The following SPAG16 variants were observed in gnomAD, a reference collection of about 807,000 sequenced individuals.
SPAG16 encodes the protein sperm-associated antigen 16 protein.
A neutral mutation model predicts 80.4 loss-of-function variants in SPAG16; 86 were observed. The observed-to-expected ratio is 1.07, with a 90% CI of 0.90 to 1.28. SPAG16 has a LOEUF of 1.28. SPAG16 is among the 50% of genes most tolerant of loss of function. SPAG16 has a pLI of 0.00. For synonymous variants in SPAG16, 294 were observed against 265.9 expected (o/e 1.11, Z -1.03); for missense variants, 870 against 765.3 (o/e 1.14, Z -1.61).
intron 10 of SPAG16, among the ~76,000 whole-genome samples, chr2:213,608,723 C>A (rs1368730143): frequency 6.6e-6 from 1 of 152,176 alleles, no homozygotes; most frequent in Non-Finnish European, 1.5e-5. Flanking sequence ...TCGCTCTGTC[C>A]CCCCAGGCTG....
intron 10 of SPAG16, among the ~76,000 whole-genome samples, chr2:213,707,933 C>A (rs2065828266): frequency 6.6e-6 from 1 of 151,956 alleles, no homozygotes; most frequent in Non-Finnish European, 1.5e-5. Flanking sequence ...TTCTAATGAA[C>A]AATGATAGAG....
At chr2:213,730,896 G>A (rs1417865196) in intron 10 of SPAG16, among the ~76,000 whole-genome samples, 1 of 152,168 alleles carries the variant, frequency 6.6e-6, no homozygotes, top group African/African-American at 2.4e-5. Context: ...GGGTTGGGAA[G>A]TTTCTAATGA....
intron 14 of SPAG16, among the ~76,000 whole-genome samples, chr2:214,135,425 T>C (rs1431817833): frequency 1.3e-5 from 2 of 152,182 alleles, no homozygotes; most frequent in Admixed American, 6.6e-5. Context: ...GCTGTTTTGG[T>C]GTGTTTTACC....
chr2:214,180,861 G>A (rs183865164), intron 15 of SPAG16, among the ~76,000 whole-genome samples: 14 of 151,640 alleles, frequency 9.2e-5, no homozygotes, highest in African/African-American at 3.4e-4. Context: ...TAGATGCAAC[G>A]TGACCTTTAA....
intron 10 of SPAG16, among the ~76,000 whole-genome samples, chr2:213,823,952 A>C (rs1027960346): frequency 2.6e-5 from 4 of 152,030 alleles, no homozygotes; most frequent in African/African-American, 9.7e-5. Flanking sequence ...CTTTTGTTGC[A>C]ATTGCTTTTG....
At chr2:214,285,634 TCTACTA>T (rs1222239804) in intron 15 of SPAG16, among the ~76,000 whole-genome samples, 1 of 152,066 alleles carries the variant, frequency 6.6e-6, no homozygotes, top group Non-Finnish European at 1.5e-5. Context: ...AAACCCCATC[TCTACTA>T]AAAATACAAA....
chr2:214,017,997 G>A (rs2047674302), intron 13 of SPAG16, among the ~76,000 whole-genome samples: 2 of 151,888 alleles, frequency 1.3e-5, no homozygotes, highest in African/African-American at 4.8e-5. Flanking sequence ...TTCATTTAAT[G>A]GGTTTATTTT....
At position 214,097,039 on chromosome 2, in the gene SPAG16, G is replaced by T. The variant is rs137953907; in HGVS notation, c.1528-11157G>T. On this transcript the variant is annotated intron_variant, in intron 13 of 15. Transcript: ENST00000331683. ...GAATATATGAAATGTTATATAAATT[G>T]CTCTATTGTATTAAAATGTTTTACC... Among the ~76,000 whole-genome samples the T allele has an allele frequency of 8.2e-4, 125 of 151,992 alleles. 1 individual carries two copies. The East Asian group carries it at 0.023, about 28-fold the overall frequency.
At chr2:213,912,020 TC>T (rs1248110974) in intron 11 of SPAG16, among the ~76,000 whole-genome samples, 1 of 152,052 alleles carries the variant, frequency 6.6e-6, no homozygotes, top group Non-Finnish European at 1.5e-5. Context: ...AACTACAAAA[TC>T]CTGCAAACTC....
intron 13 of SPAG16, among the ~76,000 whole-genome samples, chr2:214,025,635 G>A (rs185936193): frequency 1.3e-4 from 19 of 151,666 alleles, no homozygotes; most frequent in South Asian, 6.2e-4. Flanking sequence ...ATTGTGATCC[G>A]TGTAAGGTAA....
chr2:214,120,747 A>G lies in SPAG16; in HGVS notation c.1593+12486A>G, dbSNP rs188557682. On this transcript the variant is annotated intron_variant, in intron 14 of 15. Transcript: ENST00000331683. ...ACTTGACTGCTAAATATTATAGTGT[A>G]TCAAGGCTCAATCTTAAATCCTGTT... 3.1e-3 allele frequency among the ~76,000 whole-genome samples: 475 copies of G among 152,016 alleles called. 2 individuals carry two copies. Among genetic ancestry groups the G allele is most frequent in the Admixed American group, 4.1e-3 (63 of 15,250 alleles).
chr2:213,688,392 A>C (rs761902615), intron 10 of SPAG16, among the ~76,000 whole-genome samples: 1 of 152,260 alleles, frequency 6.6e-6, no homozygotes, highest in Non-Finnish European at 1.5e-5. Flanking sequence ...GATTCTTTAC[A>C]TATGCAAATT....
At chr2:214,122,094 C>T (rs576374410) in intron 14 of SPAG16, among the ~76,000 whole-genome samples, 1 of 151,500 alleles carries the variant, frequency 6.6e-6, no homozygotes, top group Non-Finnish European at 1.5e-5. Flanking sequence ...AATATAAATT[C>T]CTTATAGTCT....
intron 13 of SPAG16, among the ~76,000 whole-genome samples, chr2:214,078,056 T>C (rs559635865): frequency 1.3e-5 from 2 of 152,282 alleles, no homozygotes; most frequent in South Asian, 4.1e-4. Context: ...GAGAGGCAGC[T>C]TATTGCTTAG....
At chr2:213,806,049 T>C (rs2071748389) in intron 10 of SPAG16, among the ~76,000 whole-genome samples, 1 of 152,182 alleles carries the variant, frequency 6.6e-6, no homozygotes, top group Admixed American at 6.5e-5. Flanking sequence ...TATTAGGTTT[T>C]ATGTATAACT....
chr2:214,168,808 A>AC (rs1456084632), intron 15 of SPAG16, among the ~76,000 whole-genome samples: 1 of 152,024 alleles, frequency 6.6e-6, no homozygotes, highest in Admixed American at 6.6e-5. Flanking sequence ...AGGGGAACAA[A>AC]CCCCCCGGGT....
At chr2:213,750,393 G>T (rs555767665) in intron 10 of SPAG16, among the ~76,000 whole-genome samples, 4 of 152,206 alleles carry the variant, frequency 2.6e-5, no homozygotes, top group South Asian at 2.1e-4. Flanking sequence ...ATACCTTTAT[G>T]TTATCTGCTG....
intron 12 of SPAG16, among the ~76,000 whole-genome samples, chr2:213,973,294 G>A (rs2045181912): frequency 6.6e-6 from 1 of 151,944 alleles, no homozygotes; most frequent in Admixed American, 6.6e-5. Flanking sequence ...TCAGTTGTGT[G>A]TCTTAATGGT....
At chr2:213,813,134 T>C (rs2072285668) in intron 10 of SPAG16, among the ~76,000 whole-genome samples, 1 of 152,116 alleles carries the variant, frequency 6.6e-6, no homozygotes, top group Admixed American at 6.6e-5. Context: ...AGTGACACGA[T>C]AACTTTTTCT....
Sources: gnomAD v4.1 joint callset for allele counts (sites outside exome capture counted in the v4.1 genomes callset) on GRCh38, gnomAD v4.1.1 for gene constraint, MANE v1.5 for transcripts, NCBI Gene and HGNC (gene_info 2026-07-23, HGNC 2026-07-21) for gene names.